Variants in SVEP1 observed in about 807,000 individuals in gnomAD.
SVEP1 encodes sushi, von Willebrand factor type A, EGF and pentraxin domain-containing protein 1.
Under a neutral mutation model 367.3 loss-of-function variants are expected in SVEP1, and 164 were observed. That is an observed-to-expected ratio of 0.45 (90% confidence interval 0.39 to 0.51). SVEP1 has a LOEUF of 0.51. Among genes scored for constraint, SVEP1 ranks in the 20% least tolerant of loss-of-function variants. The probability of loss-of-function intolerance (pLI) is 0.00; values close to 1 mark genes in which losing one functional copy is unlikely to be tolerated. For synonymous variants in SVEP1, 1,666 were observed against 1,611.6 expected (o/e 1.03, Z -0.81); for missense variants, 4,117 against 4,425.3 (o/e 0.93, Z 1.98).
chr9:110,548,128 C>T (rs912339769), intron 2 of SVEP1, among the ~76,000 whole-genome samples: 2 of 152,274 alleles, frequency 1.3e-5, no homozygotes, highest in Middle Eastern at 3.4e-3. Context: ...TGTTTTCCCT[C>T]TTAACATATC....
intron 40 of SVEP1, among the ~76,000 whole-genome samples, chr9:110,392,397 T>G (rs2148876): frequency 0.85 from 129,526 of 151,798 alleles, 55,605 homozygotes; most frequent in African/African-American, 0.95. Flanking sequence ...GGCTTGATAA[T>G]TTCCGTATTC....
chr9:110,454,551 T>C (rs1828747426), intron 22 of SVEP1, among the ~76,000 whole-genome samples: 1 of 152,194 alleles, frequency 6.6e-6, no homozygotes, highest in Non-Finnish European at 1.5e-5. Flanking sequence ...AGACATGGAA[T>C]ACACCTAGGT....
intron 36 of SVEP1, among the ~76,000 whole-genome samples, chr9:110,412,082 T>G (rs1325103481): frequency 6.6e-6 from 1 of 152,170 alleles, no homozygotes; most frequent in Non-Finnish European, 1.5e-5. Context: ...GAAATGGATT[T>G]AAGATTTTTT....
Position 110,496,877 on chromosome 9 carries a change from G to A in SVEP1, c.1738C>T (p.Gln580Ter). The A allele has an allele frequency of 6.4e-7, 1 of 1,557,860 alleles. No homozygotes were observed. Among genetic ancestry groups the A allele is most frequent in the Non-Finnish European group, 8.7e-7 (1 of 1,149,400 alleles). The change falls in exon 8 of 48, where the codon CAG becomes TAG. Residue 580 changes from glutamine (Q) to a stop codon, truncating the protein, a stop_gained. Coordinates refer to ENST00000374469, the MANE Select transcript of SVEP1 (RefSeq NM_153366.4). LOFTEE classifies it high-confidence loss of function. ...CAGGTAACATTGGCAGAATCTTGCT[G>A]TTCCAGAGTCTTAGCCTCTATGTCC... The part of the protein sequence containing the change: ...PKDIEAKTLE[Q>*]QDSANVTWQI...
At chr9:110,375,303 T>C in intron 46 of SVEP1, 65 bp downstream of exon 46, 1 of 1,402,610 alleles carries the variant, frequency 7.1e-7, no homozygotes, top group South Asian at 1.3e-5. Context: ...AGTCACACTC[T>C]TCAATGTCCT....
intron 35 of SVEP1, among the ~76,000 whole-genome samples, chr9:110,428,429 C>CACACACACACACACACACACACA (rs60798857): frequency 1.3e-5 from 2 of 151,110 alleles, no homozygotes; most frequent in African/African-American, 4.9e-5. Context: ...CACACACACA[C>CACACACACACACACACACACACA]CATTAATCTC....
intron 40 of SVEP1, among the ~76,000 whole-genome samples, chr9:110,391,933 G>C (rs1827661603): frequency 6.6e-6 from 1 of 151,852 alleles, no homozygotes; most frequent in Non-Finnish European, 1.5e-5. Context: ...AGGAGGAAAT[G>C]GCCCTCTTTT....
intron 32 of SVEP1, 150 bp downstream of exon 32, chr9:110,431,765 T>A: frequency 9.7e-7 from 1 of 1,031,646 alleles, no homozygotes; most frequent in South Asian, 1.6e-5. Context: ...GTTACTGATG[T>A]GTCTTTTGTA....
chr9:110,400,636 G>A (rs956348025), intron 40 of SVEP1, among the ~76,000 whole-genome samples: 2 of 151,972 alleles, frequency 1.3e-5, no homozygotes, highest in African/African-American at 2.4e-5. Context: ...CAAAGTGCTC[G>A]GATTACAGGC....
intron 46 of SVEP1, among the ~76,000 whole-genome samples, chr9:110,372,957 G>T (rs959841725): frequency 1.3e-5 from 2 of 152,204 alleles, no homozygotes; most frequent in African/African-American, 4.8e-5. Context: ...ATGATGTTCA[G>T]TCTGGAGGGA....
intron 43 of SVEP1, among the ~76,000 whole-genome samples, chr9:110,380,313 C>T (rs1240461926): frequency 6.6e-6 from 1 of 152,072 alleles, no homozygotes; most frequent in African/African-American, 2.4e-5. Context: ...GTTTGTTCAA[C>T]TTTTGAATGA....
chr9:110,548,464 C>T (rs1830245983), intron 2 of SVEP1, among the ~76,000 whole-genome samples: 1 of 152,068 alleles, frequency 6.6e-6, no homozygotes, highest in Admixed American at 6.6e-5. Flanking sequence ...ATCCTTGTAA[C>T]AATTTTATGA....
chr9:110,389,575 G>A lies in SVEP1; in HGVS notation c.9835C>T (p.Arg3279Cys), dbSNP rs750996379. Reference protein sequence around the residue: ...PGYELEGNRERVCQENRQWSG... With the variant: ...PGYELEGNRECVCQENRQWSG... ...CACTGTCTGTTCTCCTGGCAGACAC[G>A]TTCCCTGTTCCCCTGTGAAACAATG... is the stretch of plus-strand genomic sequence containing the variant. Residue 3279 changes from arginine (R) to cysteine (C), a missense_variant, in exon 41 of 48, where the codon CGT (arginine) becomes TGT (cysteine). Physicochemically the swap from Arg to Cys is radical, Grantham distance 180. Coordinates refer to ENST00000374469, the MANE Select transcript of SVEP1 (RefSeq NM_153366.4). 33 of 1,613,396 alleles carry A rather than the reference G, an allele frequency of 2.0e-5. No individual in the cohort carries two copies. The highest frequency in any genetic ancestry group is 1.2e-4 in the Admixed American group (7 of 59,916).
Position 110,579,545 on chromosome 9 carries a change from G to T in SVEP1, c.-2C>A. 1.9e-6 allele frequency: 3 copies of T among 1,592,196 alleles called. No individual in the cohort carries two copies. The highest frequency in any genetic ancestry group is 2.6e-6 in the Non-Finnish European group (3 of 1,171,544). On this transcript the variant is annotated 5_prime_UTR_variant, in exon 1 of 48. Transcript: ENST00000374469. This position sits in a 1 kb window ranked among gnomAD's most constrained non-coding sequence, Gnocchi z 5.3. ...ACAAAAGGCCAGGCGAGGCCACATCGCGCTGGAGACAGAGCGGCTGCCCCG... is the reference window on the plus strand; with the variant it reads ...ACAAAAGGCCAGGCGAGGCCACATCTCGCTGGAGACAGAGCGGCTGCCCCG...
chr9:110,377,401 G>C, intron 44 of SVEP1, 35 bp from the exon 45 acceptor site: 1 of 1,584,328 alleles, frequency 6.3e-7, no homozygotes, highest in Non-Finnish European at 8.7e-7. Flanking sequence ...CAAATGTAGG[G>C]AATTATGAAG....
intron 18 of SVEP1, among the ~76,000 whole-genome samples, chr9:110,459,701 A>G (rs990760311): frequency 1.3e-5 from 2 of 152,166 alleles, no homozygotes; most frequent in Non-Finnish European, 2.9e-5. Context: ...CATTAAAAAA[A>G]TAAGTAGTTC....
intron 3 of SVEP1, among the ~76,000 whole-genome samples, chr9:110,518,280 G>A (rs1025752480): frequency 5.9e-5 from 9 of 151,940 alleles, no homozygotes; most frequent in African/African-American, 1.5e-4. Flanking sequence ...AAAATTAGCC[G>A]GGTATGGTGG....
chr9:110,485,641 AT>A (rs1829265697), intron 9 of SVEP1, among the ~76,000 whole-genome samples: 1 of 152,190 alleles, frequency 6.6e-6, no homozygotes, highest in Non-Finnish European at 1.5e-5. Context: ...TTAATTATAC[AT>A]TTTATACATC....
chr9:110,472,888 T>C (rs940734916), intron 14 of SVEP1, among the ~76,000 whole-genome samples: 14 of 152,202 alleles, frequency 9.2e-5, no homozygotes, highest in Non-Finnish European at 1.3e-4. Flanking sequence ...ATTCTCTAGA[T>C]GCCCTTGATA....
Sources: gnomAD v4.1 joint callset for allele counts (sites outside exome capture counted in the v4.1 genomes callset) on GRCh38, gnomAD v4.1.1 for gene constraint, Gnocchi (gnomAD v3.1) non-coding constraint, MANE v1.5 for transcripts, NCBI Gene and HGNC (gene_info 2026-07-23, HGNC 2026-07-21) for gene names.